The following MVB12B variants were observed in gnomAD, a reference collection of about 807,000 sequenced individuals.
MVB12B encodes the protein ESCRT-I complex subunit MVB12B.
Under a neutral mutation model 41.6 loss-of-function variants are expected in MVB12B, and 16 were observed. The ratio of observed to expected loss-of-function variants is 0.38; its 90% confidence interval spans 0.26 to 0.58. MVB12B has a LOEUF of 0.58. Ranked by LOEUF, MVB12B falls within the 20% of genes least tolerant of loss-of-function variation. The pLI, the probability that MVB12B is intolerant of heterozygous loss-of-function variation, is 0.62. For missense variants in MVB12B, 274 were observed against 380.2 expected (o/e 0.72, Z 2.32); for synonymous variants, 133 against 139.7 (o/e 0.95, Z 0.34).
rs1277051551 is a variant in MVB12B, at chr9:126,381,087, G to A, written c.228G>A (p.Val76=). ...AGGTTGCACAGACAGCAGATGGTGT[G>A]GATGCTGACCTCTGGAAAGACGGCT... The part of the protein sequence containing the change: ...YDVVAQTADG[V]DADLWKDGLF... The change falls in exon 3 of 10, where the codon GTG becomes GTA. Residue 76 remains valine (V), a synonymous_variant. Coordinates refer to ENST00000361171, the MANE Select transcript of MVB12B (RefSeq NM_033446.3). The A allele has an allele frequency of 3.7e-6, 6 of 1,614,054 alleles. No individual in the cohort carries two copies. Among genetic ancestry groups the A allele is most frequent in the Non-Finnish European group, 5.1e-6 (6 of 1,179,988 alleles).
At chr9:126,390,418 C>G (rs1185552300) in intron 4 of MVB12B, among the ~76,000 whole-genome samples, 3 of 152,234 alleles carry the variant, frequency 2.0e-5, no homozygotes, top group African/African-American at 4.8e-5. Context: ...CAACCCAGAT[C>G]TGTCTGACTC....
chr9:126,425,165 C>G (rs532132370), intron 7 of MVB12B, among the ~76,000 whole-genome samples: 13 of 152,060 alleles, frequency 8.5e-5, no homozygotes, highest in Non-Finnish European at 1.5e-4. Flanking sequence ...CCCAACTGCT[C>G]GGGAGACTGA....
chr9:126,385,397 A>C (rs1830754103), intron 3 of MVB12B, among the ~76,000 whole-genome samples: 1 of 152,210 alleles, frequency 6.6e-6, no homozygotes, highest in Non-Finnish European at 1.5e-5. Flanking sequence ...TTAGATGATA[A>C]GAACTCCCTG....
chr9:126,476,876 CAAA>C (rs35160593), intron 7 of MVB12B, among the ~76,000 whole-genome samples: 57 of 63,812 alleles, frequency 8.9e-4, no homozygotes, highest in African/African-American at 3.3e-3. Flanking sequence ...GACTCCATCT[CAAA>C]AAAAAAAAAA....
chr9:126,360,413 A>G (rs1829996995), intron 2 of MVB12B, among the ~76,000 whole-genome samples: 1 of 152,226 alleles, frequency 6.6e-6, no homozygotes. Flanking sequence ...ATATAAAACT[A>G]TCTGTAATTT....
chr9:126,444,074 C>T lies in MVB12B; in HGVS notation c.757+22126C>T, dbSNP rs75074763. ...TGCTTTGAGACCTGTTCATGTACCT[C>T]GTTCCTTGTCATTAGGTCAGGTGGT... On this transcript the variant is annotated intron_variant, in intron 7 of 9. Coordinates refer to ENST00000361171, the MANE Select transcript of MVB12B (RefSeq NM_033446.3). Among the ~76,000 whole-genome samples the T allele has an allele frequency of 5.0e-3, 767 of 152,248 alleles. 12 individuals carry two copies. The highest frequency in any genetic ancestry group is 0.018 in the African/African-American group (738 of 41,538).
chr9:126,353,280 T>C (rs1829800330), intron 2 of MVB12B, among the ~76,000 whole-genome samples: 1 of 152,228 alleles, frequency 6.6e-6, no homozygotes, highest in Non-Finnish European at 1.5e-5. Context: ...GCAAGTATTA[T>C]ACTGTATAAA....
intron 7 of MVB12B, among the ~76,000 whole-genome samples, chr9:126,448,988 G>A (rs182733560): frequency 3.3e-5 from 5 of 152,306 alleles, no homozygotes; most frequent in East Asian, 3.9e-4. Context: ...ACACCAGAGC[G>A]CTAGGCAGCG....
intron 2 of MVB12B, among the ~76,000 whole-genome samples, chr9:126,375,363 C>CTTTTTTTTTTTTTTT (rs35585049): frequency 9.5e-6 from 1 of 105,194 alleles, no homozygotes; most frequent in Non-Finnish European, 1.8e-5. Flanking sequence ...TAAATTGATT[C>CTTTTTTTTTTTTTTT]TTTTTTTTTT....
At chr9:126,413,709 G>A (rs4836539) in intron 6 of MVB12B, among the ~76,000 whole-genome samples, 18,719 of 152,136 alleles carry the variant, frequency 0.12, 1,552 homozygotes, top group East Asian at 0.38. Flanking sequence ...TGGCTGCGTC[G>A]TCTTCCAGCA....
intron 9 of MVB12B, among the ~76,000 whole-genome samples, chr9:126,495,321 G>A (rs561974662): frequency 1.3e-5 from 2 of 152,322 alleles, no homozygotes; most frequent in South Asian, 4.2e-4. Flanking sequence ...TGGACACCCA[G>A]GTGCCACAGG....
At chr9:126,501,868 T>C (rs1303555957) in intron 9 of MVB12B, among the ~76,000 whole-genome samples, 1 of 152,064 alleles carries the variant, frequency 6.6e-6, no homozygotes, top group Non-Finnish European at 1.5e-5. Flanking sequence ...AGCCGCCTGC[T>C]GGTGGGCAGG....
At chr9:126,477,960 C>T (rs1833452723) in intron 7 of MVB12B, among the ~76,000 whole-genome samples, 3 of 152,114 alleles carry the variant, frequency 2.0e-5, no homozygotes, top group African/African-American at 7.2e-5. Flanking sequence ...AGATCCTTCT[C>T]TTTCAAAGAC....
At chr9:126,423,491 G>A (rs1832083085) in intron 7 of MVB12B, among the ~76,000 whole-genome samples, 1 of 152,328 alleles carries the variant, frequency 6.6e-6, no homozygotes. Flanking sequence ...AGACACAGGG[G>A]AAGCCATTCA....
intron 7 of MVB12B, chr9:126,481,113 C>A: frequency 2.0e-6 from 1 of 510,430 alleles, no homozygotes; most frequent in Non-Finnish European, 3.5e-6. Context: ...CCGCTCTCTG[C>A]TCCTAGAGCT....
intron 6 of MVB12B, among the ~76,000 whole-genome samples, chr9:126,416,205 T>A (rs576596517): frequency 2.6e-5 from 4 of 152,246 alleles, no homozygotes; most frequent in Admixed American, 2.6e-4. Flanking sequence ...GTGGCAAGAA[T>A]GGGGAGAGTG....
chr9:126,365,578 T>C (rs556649583), intron 2 of MVB12B, among the ~76,000 whole-genome samples: 2 of 152,274 alleles, frequency 1.3e-5, no homozygotes, highest in East Asian at 3.9e-4. Context: ...TGACCTCAGA[T>C]GATCCGCCTG....
intron 9 of MVB12B, among the ~76,000 whole-genome samples, chr9:126,498,660 C>T (rs1833888720): frequency 6.6e-6 from 1 of 152,266 alleles, no homozygotes; most frequent in Admixed American, 6.5e-5. Context: ...CCTCGTCCAG[C>T]ATTGCCCAGC....
Position 126,468,446 on chromosome 9 carries a change from C to G in MVB12B, c.758-12923C>G, listed in dbSNP as rs906772594. Among the ~76,000 whole-genome samples, 1 of 152,208 alleles carries G rather than the reference C, an allele frequency of 6.6e-6. No homozygotes were observed. Among genetic ancestry groups the G allele is most frequent in the Non-Finnish European group, 1.5e-5 (1 of 68,038 alleles). Reference sequence around the variant, plus strand: ...TCATCTCTGCTGCTTTTCCGCTGGCCCCCACGCCCCGTCAGTACCTGGCAT... The same window carrying G: ...TCATCTCTGCTGCTTTTCCGCTGGCGCCCACGCCCCGTCAGTACCTGGCAT... On this transcript the variant is annotated intron_variant, in intron 7 of 9. Coordinates refer to ENST00000361171, the MANE Select transcript of MVB12B (RefSeq NM_033446.3). This position sits in a 1 kb window ranked among gnomAD's most constrained non-coding sequence, Gnocchi z 4.3.
Sources: gnomAD v4.1 joint callset for allele counts (sites outside exome capture counted in the v4.1 genomes callset) on GRCh38, gnomAD v4.1.1 for gene constraint, Gnocchi (gnomAD v3.1) non-coding constraint, MANE v1.5 for transcripts, NCBI Gene and HGNC (gene_info 2026-07-23, HGNC 2026-07-21) for gene names.